CTNNA1: variants seen among roughly 807,000 people sequenced by gnomAD.
CTNNA1 encodes the protein catenin alpha-1.
In CTNNA1, 37 loss-of-function variants were observed where a neutral mutation model predicts 98.4. The ratio of observed to expected loss-of-function variants is 0.38; its 90% CI spans 0.29 to 0.49. CTNNA1 has a LOEUF of 0.49. Ranked by LOEUF, CTNNA1 falls within the 20% of genes least tolerant of loss-of-function variation. The pLI is 0.95. For synonymous variants in CTNNA1, 404 were observed against 413.2 expected (o/e 0.98, Z 0.27); for missense variants, 761 against 1,147.2 (o/e 0.66, Z 4.86).
At chr5:138,897,974 A>G (rs989816576) in intron 9 of CTNNA1, among the ~76,000 whole-genome samples, 5 of 152,164 alleles carry the variant, frequency 3.3e-5, no homozygotes, top group Admixed American at 1.3e-4. Flanking sequence ...CAGTTTGGAT[A>G]CAGCTTTTGA....
At chr5:138,794,012 ATTTT>A (rs10717660) in intron 3 of CTNNA1, among the ~76,000 whole-genome samples, 3 of 112,250 alleles carry the variant, frequency 2.7e-5, no homozygotes, top group Non-Finnish European at 3.6e-5. Flanking sequence ...TCCTGGGTTG[ATTTT>A]TTTTTTTTTT....
chr5:138,919,433 T>A (rs535240441), intron 11 of CTNNA1, among the ~76,000 whole-genome samples: 1 of 152,320 alleles, frequency 6.6e-6, no homozygotes, highest in East Asian at 1.9e-4. Context: ...TGTAACAGCA[T>A]CAGATGTCCC....
At chr5:138,886,181 T>G in intron 7 of CTNNA1, 31 bp from the exon 8 acceptor site, 1 of 1,603,210 alleles carries the variant, frequency 6.2e-7, no homozygotes, top group Non-Finnish European at 8.5e-7. Context: ...TGTAAATGAA[T>G]AAAATGCTCA....
At chr5:138,797,908 A>G (rs1320253239) in intron 3 of CTNNA1, among the ~76,000 whole-genome samples, 1 of 150,644 alleles carries the variant, frequency 6.6e-6, no homozygotes, top group Non-Finnish European at 1.5e-5. Flanking sequence ...TAAAAAAAGC[A>G]GTTGGAAAAA....
At chr5:138,915,942 G>C (rs1288073731) in intron 10 of CTNNA1, among the ~76,000 whole-genome samples, 1 of 152,110 alleles carries the variant, frequency 6.6e-6, no homozygotes, top group Non-Finnish European at 1.5e-5. Flanking sequence ...CCAGCTACTT[G>C]GGAGGCTAAG....
At chr5:138,901,660 C>T (rs1474182598) in intron 9 of CTNNA1, among the ~76,000 whole-genome samples, 1 of 152,192 alleles carries the variant, frequency 6.6e-6, no homozygotes, top group African/African-American at 2.4e-5. Flanking sequence ...AACTCCTAGC[C>T]TCAAGTGATC....
chr5:138,880,829 G>T (rs1048732833), intron 7 of CTNNA1: 33 of 321,022 alleles, frequency 1.0e-4, no homozygotes, highest in African/African-American at 6.9e-4. Context: ...TTGCATGTTT[G>T]TTGGCTATAT....
chr5:138,925,627 T>A lies in CTNNA1; in HGVS notation c.1899+220T>A, dbSNP rs28363473. The A allele has an allele frequency of 1.8e-5, 10 of 557,692 alleles. 1 individual carries two copies. In the East Asian group the frequency reaches 2.3e-4, roughly 13 times the overall value. 34.5% of individuals were successfully genotyped at this position (557,692 alleles called of 1,614,324 possible). On this transcript the variant is annotated intron_variant, in intron 13 of 17. Transcript: ENST00000302763. ...GGCCAAGAAGGGGAGCTAGCCTGAGTTGACGATTTAATTTAGGATAAACAG... is the reference window on the plus strand; with the variant it reads ...GGCCAAGAAGGGGAGCTAGCCTGAGATGACGATTTAATTTAGGATAAACAG...
At chr5:138,893,585 A>T (rs1324933248) in intron 9 of CTNNA1, among the ~76,000 whole-genome samples, 1 of 150,336 alleles carries the variant, frequency 6.7e-6, no homozygotes, top group East Asian at 1.9e-4. Flanking sequence ...TTTTTATTTT[A>T]TTTATTTATT....
intron 3 of CTNNA1, among the ~76,000 whole-genome samples, chr5:138,793,873 AAG>A (rs1379385663): frequency 6.6e-6 from 1 of 152,156 alleles, no homozygotes; most frequent in African/African-American, 2.4e-5. Context: ...CAACTGGAAA[AAG>A]AAATTTCAAA....
Position 138,755,934 on chromosome 5 carries a change from C to T in CTNNA1, c.-3+2424C>T, listed in dbSNP as rs184247003. ...GGGGTTCAGTGAGGTGATCTCAGTT[C>T]ACTGCAAACTCCACCTCCTGGGGAT... On this transcript the variant is annotated intron_variant, in intron 1 of 17. Coordinates refer to ENST00000302763, the MANE Select transcript of CTNNA1 (RefSeq NM_001903.5). 7.0e-4 allele frequency among the ~76,000 whole-genome samples: 99 copies of T among 142,220 alleles called. No homozygotes were observed. The East Asian group carries it at 0.019, about 28-fold the overall frequency. 93.3% of individuals were successfully genotyped at this position (142,220 alleles called of 152,430 possible).
At chr5:138,796,416 C>T (rs1032714699) in intron 3 of CTNNA1, among the ~76,000 whole-genome samples, 11 of 152,122 alleles carry the variant, frequency 7.2e-5, no homozygotes, top group African/African-American at 2.7e-4. Context: ...CGGTGGCGGG[C>T]ACCTGTAGTC....
chr5:138,846,592 T>G (rs969680172), intron 7 of CTNNA1, among the ~76,000 whole-genome samples: 1 of 152,214 alleles, frequency 6.6e-6, no homozygotes, highest in Non-Finnish European at 1.5e-5. Flanking sequence ...GTGTCTGTTA[T>G]TGCCACCAGA....
chr5:138,820,672 G>A (rs983596471), intron 5 of CTNNA1, among the ~76,000 whole-genome samples: 6 of 152,120 alleles, frequency 3.9e-5, no homozygotes, highest in African/African-American at 1.4e-4. Context: ...TAACTCCTCT[G>A]ATGCGCTTTG....
rs1352998855 is a variant in CTNNA1 at position 138,925,259 on chromosome 5, T to C, written c.1751T>C (p.Met584Thr). Reference sequence around the variant, plus strand: ...TACTGTGCCTCTTTCTCCACAGTCATGCCACGTTTTACTGAGCAAGTAGAA... The same window carrying C: ...TACTGTGCCTCTTTCTCCACAGTCACGCCACGTTTTACTGAGCAAGTAGAA... ...EATKLLSNTV[M>T]PRFTEQVEAA... The change falls in exon 13 of 18, where the codon ATG becomes ACG. Residue 584 changes from methionine (M) to threonine (T), a missense_variant. Met to Thr is a moderately conservative substitution (Grantham distance 81). Transcript: ENST00000302763. 1.9e-6 allele frequency: 3 copies of C among 1,613,866 alleles called. No homozygotes were observed. Among genetic ancestry groups the C allele is most frequent in the Non-Finnish European group, 2.5e-6 (3 of 1,179,948 alleles).
Position 138,753,494 on chromosome 5 carries a change from C to A in CTNNA1, c.-19C>A. 2.6e-6 allele frequency: 1 copy of A among 379,504 alleles called. No homozygotes were observed. The allele number at this position is 379,504 out of a possible 1,614,324, so 23.5% of individuals were successfully genotyped here. A position where few individuals can be genotyped will look rare whatever the true frequency, so the allele number is the denominator to read the frequency against. ...CTTCGGGCCTCTGGAATTTAGCGCTCGCCCAGCTAGCCGCAGGTAACTTCG... is the reference window on the plus strand; with the variant it reads ...CTTCGGGCCTCTGGAATTTAGCGCTAGCCCAGCTAGCCGCAGGTAACTTCG... On this transcript the variant is annotated 5_prime_UTR_variant, in exon 1 of 18. Transcript: ENST00000302763.
chr5:138,759,142 A>C (rs150871514), intron 1 of CTNNA1, among the ~76,000 whole-genome samples: 1 of 151,746 alleles, frequency 6.6e-6, no homozygotes, highest in Non-Finnish European at 1.5e-5. Flanking sequence ...TTTTTCTTTT[A>C]ATGGGTCATA....
chr5:138,878,430 A>G (rs1032247959), intron 7 of CTNNA1, among the ~76,000 whole-genome samples: 2 of 152,248 alleles, frequency 1.3e-5, no homozygotes, highest in Non-Finnish European at 2.9e-5. Flanking sequence ...TTTTTCCGCA[A>G]ACATATGACT....
At chr5:138,842,108 G>A (rs953642829) in intron 7 of CTNNA1, among the ~76,000 whole-genome samples, 1 of 151,982 alleles carries the variant, frequency 6.6e-6, no homozygotes, top group Non-Finnish European at 1.5e-5. Flanking sequence ...TATACCGGCC[G>A]GGGCAACATG....
Sources: gnomAD v4.1 joint callset for allele counts (sites outside exome capture counted in the v4.1 genomes callset) on GRCh38, gnomAD v4.1.1 for gene constraint, MANE v1.5 for transcripts, NCBI Gene and HGNC (gene_info 2026-07-23, HGNC 2026-07-21) for gene names.